Variants in TNFSF8 observed in about 807,000 individuals in gnomAD.
TNFSF8 encodes tumor necrosis factor ligand superfamily member 8.
In TNFSF8, 4 loss-of-function variants were observed where a neutral mutation model predicts 22.0. The observed-to-expected ratio is 0.18, with a 90% CI of 0.09 to 0.42. TNFSF8 has a LOEUF of 0.42. Among genes scored for constraint, TNFSF8 ranks in the 10% least tolerant of loss-of-function variants. The pLI, the probability that TNFSF8 is intolerant of heterozygous loss-of-function variation, is 1.00. For missense variants in TNFSF8, 233 were observed against 281.8 expected (o/e 0.83, Z 1.24); for synonymous variants, 106 against 112.5 (o/e 0.94, Z 0.37).
At chr9:114,907,769 T>C (rs1827802688) in intron 2 of TNFSF8, among the ~76,000 whole-genome samples, 1 of 152,238 alleles carries the variant, frequency 6.6e-6, no homozygotes, top group African/African-American at 2.4e-5. Flanking sequence ...CTGCTAAGTA[T>C]GCTACATGCA....
rs764390947 is a variant in TNFSF8 at position 114,901,437 on chromosome 9, A to G, written c.*2494T>C. On this transcript the variant is annotated 3_prime_UTR_variant, in exon 4 of 4. Coordinates refer to ENST00000223795, the MANE Select transcript of TNFSF8 (RefSeq NM_001244.4). ...GAGACTGAGATTAGAAACCACTCAC[A>G]GTGCAAAAGTCAGGTACCTCTGCTC... is the stretch of plus-strand genomic sequence containing the variant. The G allele has an allele frequency of 8.8e-5, 87 of 985,324 alleles. No individual in the cohort carries two copies. Among genetic ancestry groups the G allele is most frequent in the Admixed American group, 1.8e-4 (3 of 16,260 alleles). The allele number at this position is 985,324 out of a possible 1,614,324, so 61.0% of individuals were successfully genotyped here. A position where few individuals can be genotyped will look rare whatever the true frequency, so the allele number is the denominator to read the frequency against.
At position 114,902,568 on chromosome 9, in the gene TNFSF8, G is replaced by C. The variant is rs1471353608; in HGVS notation, c.*1363C>G. The C allele has an allele frequency of 9.1e-6, 9 of 985,284 alleles. No homozygotes were observed. The highest frequency in any genetic ancestry group is 6.1e-5 in the Admixed American group (1 of 16,262). The allele number at this position is 985,284 out of a possible 1,614,324, so 61.0% of individuals were successfully genotyped here. A position where few individuals can be genotyped will look rare whatever the true frequency, so the allele number is the denominator to read the frequency against. On this transcript the variant is annotated 3_prime_UTR_variant, in exon 4 of 4. Coordinates refer to ENST00000223795, the MANE Select transcript of TNFSF8 (RefSeq NM_001244.4). ...GTAGTTCTTTCCATTACATCCTTGA[G>C]ATCCTGCTGTTCACACCATTCAGCA...
intron 1 of TNFSF8, among the ~76,000 whole-genome samples, chr9:114,924,215 T>C (rs1828028993): frequency 6.6e-6 from 1 of 152,318 alleles, no homozygotes; most frequent in Middle Eastern, 3.4e-3. Flanking sequence ...TCAGGAGATC[T>C]GGGGTGAGCC....
Position 114,903,793 on chromosome 9 carries a change from G to C in TNFSF8, c.*138C>G. ...ACCCTGGAGCTGTATCTTTCCAAGA[G>C]ACAGAAGGAGAAGTATACTATTTAA... On this transcript the variant is annotated 3_prime_UTR_variant, in exon 4 of 4. Transcript: ENST00000223795. 7.0e-7 allele frequency: 1 copy of C among 1,428,550 alleles called. No homozygotes were observed. Among genetic ancestry groups the C allele is most frequent in the Non-Finnish European group, 9.1e-7 (1 of 1,097,746 alleles). The allele number at this position is 1,428,550 out of a possible 1,614,324, so 88.5% of individuals were successfully genotyped here.
At chr9:114,899,726 G>C (rs1827696379), downstream of TNFSF8, among the ~76,000 whole-genome samples, 1 of 152,172 alleles carries the variant, frequency 6.6e-6, no homozygotes, top group Non-Finnish European at 1.5e-5. Flanking sequence ...GCACTCACTG[G>C]CACTTGGGAT....
rs548167795 is a variant in TNFSF8 at position 114,902,401 on chromosome 9, C to T, written c.*1530G>A. The T allele has an allele frequency of 1.2e-5, 12 of 985,438 alleles. No individual in the cohort carries two copies. In the East Asian group the frequency reaches 1.4e-3, roughly 112 times the overall value. 61.0% of individuals were successfully genotyped at this position (985,438 alleles called of 1,614,324 possible). On this transcript the variant is annotated 3_prime_UTR_variant, in exon 4 of 4. Coordinates refer to ENST00000223795, the MANE Select transcript of TNFSF8 (RefSeq NM_001244.4). ...ATCACTGTTGCACACTGATTGTTTGCTAAAGGCACAATGCTTTCCTGACCA... is the reference window on the plus strand; with the variant it reads ...ATCACTGTTGCACACTGATTGTTTGTTAAAGGCACAATGCTTTCCTGACCA...
intron 3 of TNFSF8, 69 bp downstream of exon 3, chr9:114,905,759 C>T: frequency 4.8e-6 from 6 of 1,252,586 alleles, no homozygotes; most frequent in South Asian, 3.6e-5. Flanking sequence ...TGACTTCTGG[C>T]TTAAAAGTTG....
In TNFSF8 at chr9:114,930,365, C is replaced by A; in HGVS notation, c.-62G>T. ...TCTTCATCTGATTCAGTTCTGGGCC[C>A]ATCTCTGTTCCAAGAAGGATTCTCC... is the stretch of plus-strand genomic sequence containing the variant. On this transcript the variant is annotated 5_prime_UTR_variant, in exon 1 of 4. An upstream start codon of the reference 5' UTR is lost. Transcript: ENST00000223795. 5.5e-6 allele frequency: 7 copies of A among 1,282,162 alleles called. No individual in the cohort carries two copies. Among genetic ancestry groups the A allele is most frequent in the Non-Finnish European group, 5.1e-6 (5 of 981,804 alleles). 79.4% of individuals were successfully genotyped at this position (1,282,162 alleles called of 1,614,324 possible).
chr9:114,920,095 G>T (rs775963293), intron 1 of TNFSF8, among the ~76,000 whole-genome samples: 6 of 152,198 alleles, frequency 3.9e-5, no homozygotes, highest in African/African-American at 1.4e-4. Context: ...CATGCAGTTT[G>T]CAGGAAAACT....
intron 3 of TNFSF8, 31 bp from the exon 4 acceptor site, chr9:114,904,356 T>A: frequency 6.4e-7 from 1 of 1,558,644 alleles, no homozygotes; most frequent in African/African-American, 1.4e-5. Flanking sequence ...AACAGAATTA[T>A]TGAGAAGATT....
chr9:114,926,299 G>A (rs561726812), intron 1 of TNFSF8, among the ~76,000 whole-genome samples: 2 of 152,170 alleles, frequency 1.3e-5, no homozygotes, highest in African/African-American at 4.8e-5. Context: ...GCGTGGTGGC[G>A]GGCACCTGTA....
chr9:114,901,968 T>C lies in TNFSF8; in HGVS notation c.*1963A>G. ...TTTTCTAGCTTTCCTTCTGACAAAC[T>C]TTGCTGGAGTCCTACTCCTTTTCTC... On this transcript the variant is annotated 3_prime_UTR_variant, in exon 4 of 4. Coordinates refer to ENST00000223795, the MANE Select transcript of TNFSF8 (RefSeq NM_001244.4). 3 of 985,388 alleles carry C rather than the reference T, an allele frequency of 3.0e-6. No individual in the cohort carries two copies. Among genetic ancestry groups the C allele is most frequent in the Non-Finnish European group, 3.6e-6 (3 of 829,898 alleles). The allele number at this position is 985,388 out of a possible 1,614,324, so 61.0% of individuals were successfully genotyped here.
chr9:114,911,066 T>C (rs1429879645), intron 2 of TNFSF8, among the ~76,000 whole-genome samples: 1 of 152,208 alleles, frequency 6.6e-6, no homozygotes, highest in African/African-American at 2.4e-5. Context: ...TAAAGTAGAT[T>C]CTTTCTGCCT....
Position 114,902,291 on chromosome 9 carries a change from C to A in TNFSF8, c.*1640G>T. The A allele has an allele frequency of 1.0e-6, 1 of 985,362 alleles. No individual in the cohort carries two copies. Among genetic ancestry groups the A allele is most frequent in the African/African-American group, 1.7e-5 (1 of 57,346 alleles). The allele number at this position is 985,362 out of a possible 1,614,324, so 61.0% of individuals were successfully genotyped here. Reference sequence around the variant, plus strand: ...AACTTTGTGGGGATATAAAAACCCTCGCGGAACTGGTTTTCTGAGAGGTGT... The same window carrying A: ...AACTTTGTGGGGATATAAAAACCCTAGCGGAACTGGTTTTCTGAGAGGTGT... On this transcript the variant is annotated 3_prime_UTR_variant, in exon 4 of 4. Coordinates refer to ENST00000223795, the MANE Select transcript of TNFSF8 (RefSeq NM_001244.4).
chr9:114,897,670 G>A (rs1827670531), downstream of TNFSF8, among the ~76,000 whole-genome samples: 1 of 152,202 alleles, frequency 6.6e-6, no homozygotes, highest in African/African-American at 2.4e-5. Flanking sequence ...ATCCTAGGCA[G>A]AAGGAAAATT....
chr9:114,917,750 G>C (rs1016532006), intron 2 of TNFSF8, among the ~76,000 whole-genome samples: 1 of 152,180 alleles, frequency 6.6e-6, no homozygotes, highest in South Asian at 2.1e-4. Flanking sequence ...AGGAGTTGAG[G>C]CTCCCCAGTG....
intron 2 of TNFSF8, among the ~76,000 whole-genome samples, chr9:114,915,257 GT>G (rs1303889269): frequency 1.3e-5 from 2 of 151,918 alleles, no homozygotes; most frequent in African/African-American, 2.4e-5. Flanking sequence ...TTTTTGTTAG[GT>G]TTTTTTTCTT....
chr9:114,897,131 C>T (rs1171154028), downstream of TNFSF8, among the ~76,000 whole-genome samples: 1 of 152,160 alleles, frequency 6.6e-6, no homozygotes, highest in Non-Finnish European at 1.5e-5. Flanking sequence ...GAACCCCTGA[C>T]CTCAAGTGAT....
At chr9:114,905,921 A>C in intron 2 of TNFSF8, 22 bp from the exon 3 acceptor site, 1 of 1,568,058 alleles carries the variant, frequency 6.4e-7, no homozygotes, top group Non-Finnish European at 8.8e-7. Flanking sequence ...GAGACGATGC[A>C]TTAAAATGTC....
Sources: allele counts gnomAD v4.1 joint callset (sites outside exome capture counted in the v4.1 genomes callset), GRCh38; gene constraint gnomAD v4.1.1; transcripts MANE v1.5; gene names NCBI Gene and HGNC (gene_info 2026-07-23, HGNC 2026-07-21).